Variants in SC5D observed in about 807,000 individuals in gnomAD.
The protein encoded by SC5D is sterol-C5-desaturase.
In SC5D, 21 loss-of-function variants were observed where a neutral mutation model predicts 23.9. The observed-to-expected ratio is 0.88, with a 90% CI of 0.62 to 1.26. The LOEUF (loss-of-function observed/expected upper bound fraction) is 1.26, where lower values mean the gene tolerates loss of function less well. SC5D is among the 50% of genes most tolerant of loss of function. The pLI is 0.00. For synonymous variants in SC5D, 113 were observed against 125.9 expected (o/e 0.90, Z 0.68); for missense variants, 309 against 364.8 (o/e 0.85, Z 1.25).
chr11:121,302,940 A>G (rs1947935752), intron 1 of SC5D, among the ~76,000 whole-genome samples: 1 of 152,166 alleles, frequency 6.6e-6, no homozygotes, highest in African/African-American at 2.4e-5. Context: ...TGAAGTATGA[A>G]TCCTTGAAGG....
intron 1 of SC5D, among the ~76,000 whole-genome samples, chr11:121,294,001 C>T (rs936334491): frequency 6.6e-6 from 1 of 152,158 alleles, no homozygotes; most frequent in African/African-American, 2.4e-5. Context: ...GTACCTATCT[C>T]ATAGAGGTAT....
chr11:121,309,463 C>G lies in SC5D; in HGVS notation c.*1951C>G, dbSNP rs573863069. 2.0e-5 allele frequency among the ~76,000 whole-genome samples: 3 copies of G among 152,022 alleles called. No individual in the cohort carries two copies. The highest frequency in any genetic ancestry group is 2.9e-5 in the Non-Finnish European group (2 of 68,018). ...TTTCTTGAGCAGCTAGACAGTTTGC[C>G]GTATTTGTGGTGTTCTCCTCTTGTT... On this transcript the variant is annotated 3_prime_UTR_variant, in exon 5 of 5. Transcript: ENST00000264027.
At chr11:121,306,926 T>A in intron 4 of SC5D, 131 bp from the exon 5 acceptor site, 1 of 820,020 alleles carries the variant, frequency 1.2e-6, no homozygotes, top group Non-Finnish European at 2.1e-6. Flanking sequence ...AGAAGGACAT[T>A]TTATAGAATA....
rs755292471 is a variant in SC5D at position 121,303,508 on chromosome 11, C to A, written c.133C>A (p.Leu45Ile). The A allele has an allele frequency of 6.2e-7, 1 of 1,613,916 alleles. No homozygotes were observed. Among genetic ancestry groups the A allele is most frequent in the Admixed American group, 1.7e-5 (1 of 60,006 alleles). The change falls in exon 2 of 5, where the codon CTT (leucine) becomes ATT (isoleucine). Residue 45 changes from leucine (L) to isoleucine (I), a missense_variant. Coordinates refer to ENST00000264027, the MANE Select transcript of SC5D (RefSeq NM_006918.5). ...LIVTNVGAYI[L>I]YFFCATLSYY... ...TGTAACAAATGTTGGTGCTTACATC[C>A]TTTATTTCTTCTGTGCAACACTGAG...
At chr11:121,304,570 T>C (rs78574147) in intron 3 of SC5D, 77 bp downstream of exon 3, 1 of 666,240 alleles carries the variant, frequency 1.5e-6, no homozygotes, top group Non-Finnish European at 2.0e-6. Context: ...AAGTCTGCCC[T>C]TTTTTTTTTC....
chr11:121,303,338 C>T (rs753114509), intron 1 of SC5D, 28 bp from the exon 2 acceptor site: 11 of 1,589,562 alleles, frequency 6.9e-6, no homozygotes, highest in Non-Finnish European at 9.5e-6. Context: ...GACATGGTAA[C>T]TAATTGTCAC....
rs1947977662 is a variant in SC5D at position 121,307,611 on chromosome 11, C to T, written c.*99C>T. ...AAATAATATCCATACAGTCAAGATA[C>T]ATAGTAAATGGTATCATTTGGAAAT... On this transcript the variant is annotated 3_prime_UTR_variant, in exon 5 of 5. Coordinates refer to ENST00000264027, the MANE Select transcript of SC5D (RefSeq NM_006918.5). The T allele has an allele frequency of 1.3e-6, 1 of 782,134 alleles. No individual in the cohort carries two copies. Among genetic ancestry groups the T allele is most frequent in the East Asian group, 2.7e-5 (1 of 37,538 alleles). 48.4% of individuals were successfully genotyped at this position (782,134 alleles called of 1,614,324 possible).
chr11:121,303,225 A>T, intron 1 of SC5D, 141 bp from the exon 2 acceptor site: 1 of 672,472 alleles, frequency 1.5e-6, no homozygotes, highest in Non-Finnish European at 2.7e-6. Context: ...TAAAGATGGC[A>T]TGTAGGGGAT....
At chr11:121,298,066 G>A (rs548573163) in intron 1 of SC5D, among the ~76,000 whole-genome samples, 6 of 152,142 alleles carry the variant, frequency 3.9e-5, no homozygotes, top group South Asian at 2.1e-4. Context: ...TCAGTGGCAC[G>A]AATATGGCTC....
At chr11:121,297,468 C>T (rs980056271) in intron 1 of SC5D, among the ~76,000 whole-genome samples, 3 of 152,172 alleles carry the variant, frequency 2.0e-5, no homozygotes, top group Admixed American at 1.3e-4. Context: ...GCTTTAAGTT[C>T]GGCTCTCAAA....
chr11:121,293,295 A>G (rs999049796), intron 1 of SC5D, among the ~76,000 whole-genome samples: 3 of 152,158 alleles, frequency 2.0e-5, no homozygotes, highest in Admixed American at 6.5e-5. Context: ...TCTCTTACTC[A>G]AGGGAATTCT....
rs899886308 is a variant in SC5D, at chr11:121,308,663, A to G, written c.*1151A>G. The G allele has an allele frequency of 5.9e-5, 9 of 152,784 alleles. No individual in the cohort carries two copies. Among genetic ancestry groups the G allele is most frequent in the African/African-American group, 2.2e-4 (9 of 41,586 alleles). 9.5% of individuals were successfully genotyped at this position (152,784 alleles called of 1,614,324 possible). A position where few individuals can be genotyped will look rare whatever the true frequency, so the allele number is the denominator to read the frequency against. On this transcript the variant is annotated 3_prime_UTR_variant, in exon 5 of 5. Transcript: ENST00000264027. ...ATCAGTTGAGTATTATAGCAGCACA[A>G]AGTATTCTTTGTACAGATTTTGTGC...
intron 4 of SC5D, chr11:121,306,708 T>TA (rs1441325240): frequency 1.5e-6 from 1 of 661,914 alleles, no homozygotes; most frequent in Non-Finnish European, 2.8e-6. Flanking sequence ...CACATGGACT[T>TA]ACAGAGGGAA....
Position 121,313,264 on chromosome 11 carries a change from C to A in SC5D, c.*5752C>A, listed in dbSNP as rs934730197. On this transcript the variant is annotated 3_prime_UTR_variant, in exon 5 of 5. Coordinates refer to ENST00000264027, the MANE Select transcript of SC5D (RefSeq NM_006918.5). ...ACATGTTTAGAGATATTTGCTGTTG[C>A]CTGTGTCTGTAGCTTTTTGTTTTCA... Among the ~76,000 whole-genome samples, 1 of 152,072 alleles carries A rather than the reference C, an allele frequency of 6.6e-6. No individual in the cohort carries two copies.
chr11:121,306,187 T>C (rs1230115871), intron 3 of SC5D, 199 bp from the exon 4 acceptor site: 1 of 567,564 alleles, frequency 1.8e-6, no homozygotes, highest in African/African-American at 1.9e-5. Context: ...TTCAAGTACT[T>C]ATGCGAGGGA....
chr11:121,303,179 T>G (rs913981936), intron 1 of SC5D, among the ~76,000 whole-genome samples, 187 bp from the exon 2 acceptor site: 53 of 152,214 alleles, frequency 3.5e-4, no homozygotes, highest in African/African-American at 1.3e-3. Context: ...ATGAAGAGAT[T>G]GGACTAGAGA....
intron 1 of SC5D, among the ~76,000 whole-genome samples, chr11:121,301,217 A>C (rs756836317): frequency 6.1e-4 from 93 of 152,208 alleles, no homozygotes; most frequent in Non-Finnish European, 1.3e-3. Flanking sequence ...AATATAAAAG[A>C]ACTAAGGAAC....
rs1591505757 is a variant in SC5D at position 121,307,339 on chromosome 11, T to C, written c.727T>C (p.Tyr243His). The C allele has an allele frequency of 1.2e-6, 2 of 1,614,146 alleles. No homozygotes were observed. The highest frequency in any genetic ancestry group is 1.7e-6 in the Non-Finnish European group (2 of 1,180,016). Residue 243 changes from tyrosine (Y) to histidine (H), a missense_variant, in exon 5 of 5, where the codon TAT becomes CAT. Physicochemically the swap from Tyr to His is moderately conservative, Grantham distance 83. Coordinates refer to ENST00000264027, the MANE Select transcript of SC5D (RefSeq NM_006918.5). ...HMFFDYNYGQ[Y>H]FTLWDRIGGS... ...GTTCTTTGACTATAATTATGGACAA[T>C]ATTTCACTTTGTGGGATAGGATTGG...
rs568068471 is a variant in SC5D at position 121,307,672 on chromosome 11, G to A, written c.*160G>A. On this transcript the variant is annotated 3_prime_UTR_variant, in exon 5 of 5. Transcript: ENST00000264027. ...GGCACTGCTGAGGAATGATCCTAGT[G>A]GTAGGTCAGAAGAAGATGCTGTGAA... 22 of 591,530 alleles carry A rather than the reference G, an allele frequency of 3.7e-5. No individual in the cohort carries two copies. In the East Asian group the frequency reaches 5.7e-4, roughly 15 times the overall value. 36.6% of individuals were successfully genotyped at this position (591,530 alleles called of 1,614,324 possible).
Sources: allele counts gnomAD v4.1 joint callset (sites outside exome capture counted in the v4.1 genomes callset), GRCh38; gene constraint gnomAD v4.1.1; transcripts MANE v1.5; gene names NCBI Gene and HGNC (gene_info 2026-07-23, HGNC 2026-07-21).